TMEM161B: variants seen among roughly 807,000 people sequenced by gnomAD.
TMEM161B encodes the protein transmembrane protein 161B.
A neutral mutation model predicts 61.8 loss-of-function variants in TMEM161B; 34 were observed. The observed-to-expected ratio is 0.55, with a 90% confidence interval of 0.42 to 0.73. The LOEUF is 0.73. Ranked by LOEUF, TMEM161B falls within the 30% of genes least tolerant of loss-of-function variation. The pLI, the probability that TMEM161B is intolerant of heterozygous loss-of-function variation, is 0.00. For synonymous variants in TMEM161B, 167 were observed against 192.8 expected (o/e 0.87, Z 1.11); for missense variants, 456 against 558.5 (o/e 0.82, Z 1.85).
rs1368322780 is a variant in TMEM161B at position 88,195,148 on chromosome 5, T to C, written c.*1063A>G. On this transcript the variant is annotated 3_prime_UTR_variant, in exon 12 of 12. Transcript: ENST00000296595. ...TTAATTTGGGAGAAACCATTAAGCGTCCATAAAACTTTAAATACACTCACA... is the reference window on the plus strand; with the variant it reads ...TTAATTTGGGAGAAACCATTAAGCGCCCATAAAACTTTAAATACACTCACA... 1.0e-6 allele frequency: 1 copy of C among 985,170 alleles called. No homozygotes were observed. Among genetic ancestry groups the C allele is most frequent in the African/African-American group, 1.7e-5 (1 of 57,182 alleles). The allele number at this position is 985,170 out of a possible 1,614,324, so 61.0% of individuals were successfully genotyped here.
downstream of TMEM161B, among the ~76,000 whole-genome samples, chr5:88,186,387 A>C (rs1350608015): frequency 6.6e-6 from 1 of 152,218 alleles, no homozygotes; most frequent in African/African-American, 2.4e-5. Flanking sequence ...ACATAAAACA[A>C]TACCAAGGAT....
downstream of TMEM161B, among the ~76,000 whole-genome samples, chr5:88,190,455 C>T (rs1269389198): frequency 6.6e-6 from 1 of 152,178 alleles, no homozygotes; most frequent in Non-Finnish European, 1.5e-5. Flanking sequence ...TGCATCCTTC[C>T]TCCATCACTT....
At chr5:88,194,416 C>A (rs1297972737), downstream of TMEM161B, among the ~76,000 whole-genome samples, 3 of 151,976 alleles carry the variant, frequency 2.0e-5, no homozygotes, top group East Asian at 1.9e-4. Context: ...TTAGGTTGAC[C>A]CCATGACTTT....
At chr5:88,215,413 A>G (rs745726653) in intron 5 of TMEM161B, among the ~76,000 whole-genome samples, 3 of 152,248 alleles carry the variant, frequency 2.0e-5, no homozygotes, top group Non-Finnish European at 2.9e-5. Context: ...CTCTGGTGTT[A>G]AACTGGATAT....
At chr5:88,201,732 C>G (rs1744441352) in intron 9 of TMEM161B, 1 of 153,376 alleles carries the variant, frequency 6.5e-6, no homozygotes, top group Admixed American at 6.5e-5. Flanking sequence ...AACCTTAGAT[C>G]CTTAGAATTA....
chr5:88,217,333 G>A (rs1303194834), intron 5 of TMEM161B, among the ~76,000 whole-genome samples: 2 of 152,130 alleles, frequency 1.3e-5, no homozygotes, highest in Non-Finnish European at 2.9e-5. Flanking sequence ...CAAAATGATG[G>A]TAAAGGAATC....
intron 1 of TMEM161B, among the ~76,000 whole-genome samples, chr5:88,258,784 G>A (rs769153273): frequency 1.6e-4 from 25 of 152,192 alleles, no homozygotes; most frequent in Middle Eastern, 3.4e-3. Flanking sequence ...CAGCACATTG[G>A]GGCAAATGGT....
chr5:88,227,378 T>A (rs1750233300), intron 3 of TMEM161B, among the ~76,000 whole-genome samples: 2 of 152,184 alleles, frequency 1.3e-5, no homozygotes, highest in South Asian at 4.1e-4. Context: ...TAGTAAAGTG[T>A]AAATTAAATT....
At chr5:88,258,097 A>G (rs1755216601) in intron 1 of TMEM161B, among the ~76,000 whole-genome samples, 1 of 152,202 alleles carries the variant, frequency 6.6e-6, no homozygotes, top group South Asian at 2.1e-4. Context: ...CATTCAGTAA[A>G]TGTTAGTTGA....
intron 5 of TMEM161B, among the ~76,000 whole-genome samples, chr5:88,211,768 C>CA (rs61376905): frequency 1.8e-4 from 21 of 116,548 alleles, no homozygotes; most frequent in Middle Eastern, 4.5e-3. Context: ...GAACTCCATC[C>CA]AAAAAAAAAA....
intron 2 of TMEM161B, among the ~76,000 whole-genome samples, chr5:88,236,938 T>C (rs1221486266): frequency 6.6e-6 from 1 of 152,132 alleles, no homozygotes; most frequent in Non-Finnish European, 1.5e-5. Context: ...TGTAGAAAAG[T>C]TGTATTTGTC....
intron 5 of TMEM161B, among the ~76,000 whole-genome samples, chr5:88,220,159 G>C (rs1748651429): frequency 6.6e-6 from 1 of 151,746 alleles, no homozygotes. Context: ...TGGTAAAAGT[G>C]ACTATAAATT....
intron 5 of TMEM161B, among the ~76,000 whole-genome samples, chr5:88,214,829 G>C (rs1436297830): frequency 1.3e-5 from 2 of 152,204 alleles, no homozygotes; most frequent in African/African-American, 2.4e-5. Flanking sequence ...TTGGGTTTAG[G>C]AGTGAGATTG....
At chr5:88,205,690 G>T in intron 8 of TMEM161B, 124 bp downstream of exon 8, 2 of 1,071,536 alleles carry the variant, frequency 1.9e-6, no homozygotes, top group Non-Finnish European at 2.6e-6. Context: ...AGAGGAAGTA[G>T]TGTGACATCA....
At chr5:88,242,652 T>C (rs143512874) in intron 1 of TMEM161B, among the ~76,000 whole-genome samples, 8 of 151,808 alleles carry the variant, frequency 5.3e-5, no homozygotes, top group South Asian at 2.1e-4. Flanking sequence ...TTCTATAAAA[T>C]TGAGTTAGAA....
chr5:88,247,046 AT>A, intron 1 of TMEM161B, among the ~76,000 whole-genome samples: 1 of 152,038 alleles, frequency 6.6e-6, no homozygotes. Flanking sequence ...AGGGTGAAAC[AT>A]TGGGGTAACT....
chr5:88,224,706 G>A (rs1365601824), intron 4 of TMEM161B, among the ~76,000 whole-genome samples: 1 of 152,084 alleles, frequency 6.6e-6, no homozygotes, highest in Non-Finnish European at 1.5e-5. Flanking sequence ...TTTGAACTGT[G>A]CGTGTCTACT....
intron 2 of TMEM161B, among the ~76,000 whole-genome samples, chr5:88,233,200 T>G (rs988401095): frequency 1.3e-5 from 2 of 152,188 alleles, no homozygotes; most frequent in African/African-American, 4.8e-5. Flanking sequence ...TATATTCCAG[T>G]TGGGGTAAAA....
At chr5:88,256,166 A>G (rs1754960724) in intron 1 of TMEM161B, among the ~76,000 whole-genome samples, 1 of 152,208 alleles carries the variant, frequency 6.6e-6, no homozygotes, top group Non-Finnish European at 1.5e-5. Flanking sequence ...TCAAATTAAC[A>G]GTTGTTTATT....
Sources: allele counts gnomAD v4.1 joint callset (sites outside exome capture counted in the v4.1 genomes callset), GRCh38; gene constraint gnomAD v4.1.1; transcripts MANE v1.5; gene names NCBI Gene and HGNC (gene_info 2026-07-23, HGNC 2026-07-21).